Variants in DLG2 observed in about 807,000 individuals in gnomAD.
The protein encoded by DLG2 is disks large homolog 2.
In DLG2, 45 loss-of-function variants were observed where a neutral mutation model predicts 132.5. The observed-to-expected ratio is 0.34, with a 90% CI of 0.27 to 0.44. The LOEUF (loss-of-function observed/expected upper bound fraction) is 0.44. DLG2 is among the 20% of genes least tolerant of loss of function. The probability of loss-of-function intolerance (pLI) is 1.00; values close to 1 mark genes in which losing one functional copy is unlikely to be tolerated. For missense variants in DLG2, 1,045 were observed against 1,196.9 expected, an observed-to-expected ratio of 0.87 and a Z score of 1.87; for synonymous variants, 424 against 419.6, an observed-to-expected ratio of 1.01 and a Z score of -0.13.
intron 7 of DLG2, among the ~76,000 whole-genome samples, chr11:84,430,970 A>T (rs190304235): frequency 2.4e-3 from 368 of 152,290 alleles, no homozygotes; most frequent in Non-Finnish European, 4.2e-3. Flanking sequence ...CAATCTGTTC[A>T]TCCTTCTCTC....
chr11:84,333,742 G>T (rs1350820514), intron 7 of DLG2, among the ~76,000 whole-genome samples: 1 of 152,138 alleles, frequency 6.6e-6, no homozygotes, highest in Non-Finnish European at 1.5e-5. Context: ...CTGAAAATCA[G>T]TTCTATGACT....
intron 6 of DLG2, chr11:84,545,379 C>T: frequency 1.9e-6 from 1 of 521,396 alleles, no homozygotes; most frequent in Non-Finnish European, 3.7e-6. Flanking sequence ...CCCACTGCCA[C>T]CATATCCACA....
At chr11:83,917,317 C>A (rs554026902) in intron 15 of DLG2, among the ~76,000 whole-genome samples, 1 of 152,244 alleles carries the variant, frequency 6.6e-6, no homozygotes, top group South Asian at 2.1e-4. Flanking sequence ...ATCAGAGTGG[C>A]TGAGAATTTT....
At chr11:84,872,966 C>G (rs142019961) in intron 6 of DLG2, among the ~76,000 whole-genome samples, 21 of 152,284 alleles carry the variant, frequency 1.4e-4, no homozygotes, top group African/African-American at 5.1e-4. Flanking sequence ...TCAAATCCTA[C>G]CTGATTAGCA....
chr11:85,328,747 TC>T (rs2081543351), intron 3 of DLG2, among the ~76,000 whole-genome samples: 1 of 151,112 alleles, frequency 6.6e-6, no homozygotes, highest in Non-Finnish European at 1.5e-5. Flanking sequence ...CCGCTCCTAT[TC>T]AACATAGTGT....
chr11:85,202,266 C>G (rs912143529), intron 4 of DLG2, among the ~76,000 whole-genome samples: 51 of 368 alleles, frequency 0.14, no homozygotes, highest in Non-Finnish European at 0.2. Flanking sequence ...ATATTCTAAT[C>G]AAATTGCAAA....
intron 3 of DLG2, among the ~76,000 whole-genome samples, chr11:85,502,619 G>A (rs2093831347): frequency 6.6e-6 from 1 of 152,024 alleles, no homozygotes; most frequent in East Asian, 1.9e-4. Context: ...ATGGACACAG[G>A]GAGGGGAACA....
intron 7 of DLG2, among the ~76,000 whole-genome samples, chr11:84,488,824 G>C (rs1010187810): frequency 1.3e-5 from 2 of 152,130 alleles, no homozygotes; most frequent in Non-Finnish European, 2.9e-5. Flanking sequence ...AACTTTTAAA[G>C]GTCTGTGACT....
At chr11:83,590,334 T>A (rs1157322936) in intron 19 of DLG2, among the ~76,000 whole-genome samples, 2 of 152,142 alleles carry the variant, frequency 1.3e-5, no homozygotes, top group Admixed American at 6.5e-5. Flanking sequence ...GGATGAAGAA[T>A]CTCACTCAAA....
At chr11:85,246,758 T>C (rs1037553316) in intron 4 of DLG2, among the ~76,000 whole-genome samples, 9 of 152,088 alleles carry the variant, frequency 5.9e-5, no homozygotes, top group Admixed American at 1.3e-4. Flanking sequence ...ATTGTAGTCA[T>C]ATAATTATAC....
At chr11:83,520,999 G>A (rs1195566368) in intron 21 of DLG2, among the ~76,000 whole-genome samples, 1 of 152,212 alleles carries the variant, frequency 6.6e-6, no homozygotes, top group Non-Finnish European at 1.5e-5. Flanking sequence ...AAATCCAAAT[G>A]TTTGCCAGAC....
intron 18 of DLG2, among the ~76,000 whole-genome samples, chr11:83,734,377 T>TCCC (rs1566752959): frequency 5.5e-5 from 8 of 144,982 alleles, no homozygotes; most frequent in Non-Finnish European, 9.1e-5. Context: ...CCTTCCTTCC[T>TCCC]TCCTTCCTTC....
At chr11:84,189,670 A>G (rs2096363732) in intron 8 of DLG2, among the ~76,000 whole-genome samples, 1 of 152,224 alleles carries the variant, frequency 6.6e-6, no homozygotes, top group South Asian at 2.1e-4. Flanking sequence ...TGTTCTTTGC[A>G]GGAACATGGA....
intron 3 of DLG2, among the ~76,000 whole-genome samples, chr11:85,585,314 G>C (rs1271582400): frequency 1.3e-5 from 2 of 152,174 alleles, no homozygotes. Flanking sequence ...TTGACTTTAA[G>C]TATTTGGCTT....
intron 18 of DLG2, among the ~76,000 whole-genome samples, chr11:83,664,703 C>A (rs762328665): frequency 1.3e-5 from 2 of 152,138 alleles, no homozygotes; most frequent in African/African-American, 2.4e-5. Context: ...GAGTGCATCA[C>A]CCTTCCTTAA....
intron 6 of DLG2, among the ~76,000 whole-genome samples, chr11:85,051,244 TAACTC>T (rs2062859606): frequency 6.6e-6 from 1 of 152,168 alleles, no homozygotes; most frequent in Non-Finnish European, 1.5e-5. Flanking sequence ...AGTATTGACT[TAACTC>T]TACTGGAAGA....
intron 8 of DLG2, among the ~76,000 whole-genome samples, chr11:84,248,405 C>G (rs2097330624): frequency 6.6e-6 from 1 of 152,018 alleles, no homozygotes; most frequent in Admixed American, 6.6e-5. Flanking sequence ...TATAAGTCCT[C>G]TCTTATAGGT....
At chr11:84,279,558 C>A (rs1232435872) in intron 7 of DLG2, among the ~76,000 whole-genome samples, 1 of 152,128 alleles carries the variant, frequency 6.6e-6, no homozygotes, top group Non-Finnish European at 1.5e-5. Context: ...AGAACTAATC[C>A]AAATGCCCAT....
chr11:84,418,257 C>G (rs2098936606), intron 7 of DLG2, among the ~76,000 whole-genome samples: 1 of 152,096 alleles, frequency 6.6e-6, no homozygotes, highest in African/African-American at 2.4e-5. Flanking sequence ...CTTACAAGAT[C>G]CAGAATACAA....
Sources: allele counts gnomAD v4.1 joint callset (sites outside exome capture counted in the v4.1 genomes callset), GRCh38; gene constraint gnomAD v4.1.1; transcripts MANE v1.5; gene names NCBI Gene and HGNC (gene_info 2026-07-23, HGNC 2026-07-21).